MAGI2: variants seen among roughly 807,000 people sequenced by gnomAD.
MAGI2 encodes membrane-associated guanylate kinase, WW and PDZ domain-containing protein 2.
In MAGI2, 35 loss-of-function variants were observed where a neutral mutation model predicts 133.3. The observed-to-expected ratio is 0.26, with a 90% CI of 0.20 to 0.35. MAGI2 has a LOEUF of 0.35. Ranked by LOEUF, MAGI2 falls within the 10% of genes least tolerant of loss-of-function variation. The pLI, the probability that MAGI2 is intolerant of heterozygous loss-of-function variation, is 1.00. For missense variants in MAGI2, 1,636 were observed against 1,863.4 expected (o/e 0.88, Z 2.25); for synonymous variants, 729 against 710.6 (o/e 1.03, Z -0.41).
intron 6 of MAGI2, among the ~76,000 whole-genome samples, chr7:78,388,365 T>C (rs1417164930): frequency 6.6e-6 from 1 of 152,144 alleles, no homozygotes; most frequent in Non-Finnish European, 1.5e-5. Context: ...GATGGAATAG[T>C]GAATGATGAA....
rs1791052914 is a variant in MAGI2, at chr7:78,240,771, TAA to T, written c.2047+15170_2047+15171del. On this transcript the variant is annotated intron_variant, in intron 10 of 21. Coordinates refer to ENST00000354212, the MANE Select transcript of MAGI2 (RefSeq NM_012301.4). Reference sequence around the variant, plus strand: ...GATATACCATATTCTTGAAAAATGCTAAGAGTGGACATTAAATGTTCTCATCA... The same window carrying T: ...GATATACCATATTCTTGAAAAATGCTGAGTGGACATTAAATGTTCTCATCA... 2.0e-5 allele frequency among the ~76,000 whole-genome samples: 3 copies of T among 152,210 alleles called. No individual in the cohort carries two copies. In the South Asian group the frequency reaches 6.2e-4, roughly 31 times the overall value.
chr7:78,647,015 T>C (rs1482172734), intron 2 of MAGI2, among the ~76,000 whole-genome samples: 1 of 152,226 alleles, frequency 6.6e-6, no homozygotes, highest in Non-Finnish European at 1.5e-5. Flanking sequence ...AGTAATTACA[T>C]ATCAACACGT....
At chr7:79,378,924 GTGTA>G (rs1378950487) in intron 1 of MAGI2, among the ~76,000 whole-genome samples, 1,184 of 47,786 alleles carry the variant, frequency 0.025, 14 homozygotes, top group Non-Finnish European at 0.032. Context: ...ATATGTGTGT[GTGTA>G]TATATATATA....
At chr7:79,251,663 G>T (rs1833282316) in intron 1 of MAGI2, among the ~76,000 whole-genome samples, 1 of 152,162 alleles carries the variant, frequency 6.6e-6, no homozygotes, top group Non-Finnish European at 1.5e-5. Context: ...AATCACTATA[G>T]AGAATAGTTT....
chr7:79,423,405 G>A lies in MAGI2; in HGVS notation c.301+29615C>T, dbSNP rs191575393. ...TCTCTTTTCATTTAATATTAATTGTGATGAAATACATATTATACATTTCAC... is the reference window on the plus strand; with the variant it reads ...TCTCTTTTCATTTAATATTAATTGTAATGAAATACATATTATACATTTCAC... On this transcript the variant is annotated intron_variant, in intron 1 of 21. Transcript: ENST00000354212. 1.8e-4 allele frequency among the ~76,000 whole-genome samples: 28 copies of A among 151,914 alleles called. No homozygotes were observed. The East Asian group carries it at 5.4e-3, about 29-fold the overall frequency.
At chr7:78,780,291 T>C (rs1195683382) in intron 2 of MAGI2, among the ~76,000 whole-genome samples, 1 of 152,236 alleles carries the variant, frequency 6.6e-6, no homozygotes, top group East Asian at 1.9e-4. Context: ...CACAAATGTC[T>C]CTTTCAAGAC....
At chr7:79,208,232 A>G (rs1829225556) in intron 1 of MAGI2, among the ~76,000 whole-genome samples, 2 of 152,004 alleles carry the variant, frequency 1.3e-5, no homozygotes, top group Non-Finnish European at 1.5e-5. Context: ...GAAACAGTTA[A>G]AAGAGTGAAA....
chr7:78,902,907 G>C (rs1237719280), intron 2 of MAGI2, among the ~76,000 whole-genome samples: 1 of 152,076 alleles, frequency 6.6e-6, no homozygotes, highest in African/African-American at 2.4e-5. Context: ...AAACATTTTA[G>C]AGACTGGATC....
chr7:78,371,791 G>T (rs1793945054), intron 6 of MAGI2, among the ~76,000 whole-genome samples: 1 of 151,982 alleles, frequency 6.6e-6, no homozygotes, highest in Admixed American at 6.6e-5. Flanking sequence ...GGTTGTTTCA[G>T]ATTTCCAAAG....
At chr7:78,633,142 C>A (rs1166494859) in intron 2 of MAGI2, among the ~76,000 whole-genome samples, 2 of 152,172 alleles carry the variant, frequency 1.3e-5, no homozygotes, top group African/African-American at 2.4e-5. Flanking sequence ...AATGGACGAA[C>A]AGAAAACCAG....
At chr7:79,172,718 A>G (rs1825735227) in intron 1 of MAGI2, among the ~76,000 whole-genome samples, 1 of 152,110 alleles carries the variant, frequency 6.6e-6, no homozygotes, top group Non-Finnish European at 1.5e-5. Flanking sequence ...TTACCAATAA[A>G]GCATTGGAGA....
intron 2 of MAGI2, among the ~76,000 whole-genome samples, chr7:78,725,537 G>A (rs754611893): frequency 2.0e-5 from 3 of 152,346 alleles, no homozygotes; most frequent in Non-Finnish European, 4.4e-5. Flanking sequence ...GGTGGCTCAC[G>A]CCTATAATCC....
chr7:79,453,310 C>G lies in MAGI2; in HGVS notation c.11G>C (p.Ser4Thr), dbSNP rs766971610. The change falls in exon 1 of 22, where the codon AGC (serine) becomes ACC (threonine). Residue 4 changes from serine to threonine, a missense_variant. Ser to Thr is a moderately conservative substitution (Grantham distance 58, BLOSUM62 1). Coordinates refer to ENST00000354212, the MANE Select transcript of MAGI2 (RefSeq NM_012301.4). ...AGTCCAGTGGCTTTTCTTTTTCAAG[C>G]TTTTGGACATGGCAGTGGGGCGAGT... MSK[S>T]LKKKSHWTSK... 10 of 1,610,126 alleles carry G rather than the reference C, an allele frequency of 6.2e-6. No homozygotes were observed. In the East Asian group the frequency reaches 2.0e-4, roughly 32 times the overall value.
intron 2 of MAGI2, among the ~76,000 whole-genome samples, chr7:78,712,059 C>A (rs1819248362): frequency 6.6e-6 from 1 of 152,232 alleles, no homozygotes; most frequent in Middle Eastern, 3.4e-3. Context: ...TTAAAAGGAA[C>A]AGTGCTACTG....
rs144600355 is a variant in MAGI2, at chr7:78,858,738, G to A, written c.418+148352C>T. On this transcript the variant is annotated intron_variant, in intron 2 of 21. Transcript: ENST00000354212. ...AAGAATGTATATTCTGTTAATTTGGGGTGGAGAGTTCTGTGGATGTCTATT... is the reference window on the plus strand; with the variant it reads ...AAGAATGTATATTCTGTTAATTTGGAGTGGAGAGTTCTGTGGATGTCTATT... Among the ~76,000 whole-genome samples, 34 of 152,228 alleles carry A rather than the reference G, an allele frequency of 2.2e-4. No individual in the cohort carries two copies. In the East Asian group the frequency reaches 6.6e-3, roughly 29 times the overall value.
intron 3 of MAGI2, among the ~76,000 whole-genome samples, chr7:78,605,090 T>C (rs1805658514): frequency 6.6e-6 from 1 of 152,294 alleles, no homozygotes; most frequent in Middle Eastern, 3.4e-3. Context: ...TGGCTTCGTA[T>C]TTTCAAAACA....
intron 1 of MAGI2, among the ~76,000 whole-genome samples, chr7:79,213,399 G>A (rs997265048): frequency 6.6e-6 from 1 of 151,678 alleles, no homozygotes; most frequent in African/African-American, 2.4e-5. Context: ...GCCTAGGCTG[G>A]TCCCAAACCC....
chr7:78,282,619 T>C (rs1408088368), intron 9 of MAGI2, among the ~76,000 whole-genome samples: 1 of 152,140 alleles, frequency 6.6e-6, no homozygotes, highest in Non-Finnish European at 1.5e-5. Flanking sequence ...TCTGAATATG[T>C]AATTTTCTGC....
intron 6 of MAGI2, among the ~76,000 whole-genome samples, chr7:78,437,062 G>GGA (rs1800362952): frequency 1.3e-5 from 2 of 151,902 alleles, no homozygotes; most frequent in South Asian, 4.2e-4. Context: ...CTGAGGTGTG[G>GGA]GAGCCTGGAG....
Sources: gnomAD v4.1 joint callset for allele counts (sites outside exome capture counted in the v4.1 genomes callset) on GRCh38, gnomAD v4.1.1 for gene constraint, MANE v1.5 for transcripts, NCBI Gene and HGNC (gene_info 2026-07-23, HGNC 2026-07-21) for gene names.